The following GLIPR1L1 variants were observed in gnomAD, a reference collection of about 807,000 sequenced individuals.
GLIPR1L1 encodes GLIPR1 like 1.
GLIPR1L1 carries 26 observed loss-of-function variants against 29.9 expected under a neutral mutation model. The observed-to-expected ratio is 0.87, with a 90% CI of 0.64 to 1.21. The LOEUF is 1.21. Ranked by LOEUF, GLIPR1L1 falls within the 50% of genes most tolerant of loss-of-function variation. The probability of loss-of-function intolerance (pLI) is 0.00; values close to 1 mark genes in which losing one functional copy is unlikely to be tolerated. For missense variants in GLIPR1L1, 305 were observed against 290.3 expected (o/e 1.05, Z -0.37); for synonymous variants, 77 against 97.5 (o/e 0.79, Z 1.24).
chr12:75,362,684 C>T (rs972052956), intron 3 of GLIPR1L1, among the ~76,000 whole-genome samples: 7 of 152,014 alleles, frequency 4.6e-5, no homozygotes, highest in Non-Finnish European at 1.0e-4. Flanking sequence ...GCTGTCAAGT[C>T]GTACATCATC....
intron 4 of GLIPR1L1, among the ~76,000 whole-genome samples, chr12:75,363,402 C>T (rs1566004557): frequency 6.6e-6 from 1 of 152,104 alleles, no homozygotes; most frequent in Non-Finnish European, 1.5e-5. Flanking sequence ...AGCTAAAGAG[C>T]AGAAAGGAAT....
At chr12:75,359,584 T>A (rs765277024) in intron 3 of GLIPR1L1, among the ~76,000 whole-genome samples, 1 of 151,988 alleles carries the variant, frequency 6.6e-6, no homozygotes, top group Non-Finnish European at 1.5e-5. Flanking sequence ...TCAAAAGTTA[T>A]TAAAACTGTA....
chr12:75,350,346 AAATTCCTGC>A (rs1593735139), intron 3 of GLIPR1L1, among the ~76,000 whole-genome samples: 1 of 152,172 alleles, frequency 6.6e-6, no homozygotes, highest in Non-Finnish European at 1.5e-5. Flanking sequence ...TGGACAAGGG[AAATTCCTGC>A]TTATTTAAGT....
chr12:75,350,691 G>C (rs138309149), intron 3 of GLIPR1L1, among the ~76,000 whole-genome samples: 1 of 152,202 alleles, frequency 6.6e-6, no homozygotes, highest in East Asian at 1.9e-4. Flanking sequence ...CCCATCCAAA[G>C]GTCAGCAGAT....
intron 3 of GLIPR1L1, chr12:75,360,886 T>C (rs562428928): frequency 3.9e-5 from 6 of 152,264 alleles, no homozygotes; most frequent in East Asian, 1.9e-4. Context: ...GAAATCTAGG[T>C]GGAGGTTTCC....
intron 3 of GLIPR1L1, among the ~76,000 whole-genome samples, chr12:75,350,423 C>A (rs891801734): frequency 3.3e-5 from 5 of 152,170 alleles, no homozygotes; most frequent in African/African-American, 4.8e-5. Flanking sequence ...GGTCTCCAGG[C>A]ACTGCATACA....
intron 4 of GLIPR1L1, among the ~76,000 whole-genome samples, chr12:75,367,268 G>GAAAAA (rs35250320): frequency 1.1e-5 from 1 of 88,738 alleles, no homozygotes; most frequent in Non-Finnish European, 2.1e-5. Context: ...TTCCTAGGAG[G>GAAAAA]AAAAAAAAAA....
chr12:75,363,764 C>T (rs1302913839), intron 4 of GLIPR1L1, among the ~76,000 whole-genome samples: 1 of 152,108 alleles, frequency 6.6e-6, no homozygotes, highest in African/African-American at 2.4e-5. Context: ...TGACCAATGG[C>T]CTGTGAGACA....
chr12:75,360,478 G>C (rs1194149418), intron 3 of GLIPR1L1: 1 of 152,064 alleles, frequency 6.6e-6, no homozygotes, highest in African/African-American at 2.4e-5. Context: ...AAAACAAAGG[G>C]GCTATAGGCC....
chr12:75,351,739 GT>G (rs1394560022), intron 3 of GLIPR1L1, among the ~76,000 whole-genome samples: 1 of 152,174 alleles, frequency 6.6e-6, no homozygotes, highest in African/African-American at 2.4e-5. Context: ...TACAGACGGG[GT>G]TTTGCCATGT....
At chr12:75,353,579 G>A (rs1234998072) in intron 3 of GLIPR1L1, among the ~76,000 whole-genome samples, 1 of 152,172 alleles carries the variant, frequency 6.6e-6, no homozygotes, top group East Asian at 1.9e-4. Flanking sequence ...AAGAGGAGCT[G>A]ATACCCTTTC....
rs2043438478 is a variant in GLIPR1L1, at chr12:75,359,733, T to A, written c.522-3369T>A. 2.0e-5 allele frequency among the ~76,000 whole-genome samples: 3 copies of A among 152,090 alleles called. No individual in the cohort carries two copies. The South Asian group carries it at 6.2e-4, about 32-fold the overall frequency. ...TTTTTCAGAAATGCACAAAGGTATT[T>A]CAGTGGAAAAAAAATTAATAAATCA... On this transcript the variant is annotated intron_variant, in intron 3 of 5. Coordinates refer to ENST00000378695, the MANE Select transcript of GLIPR1L1 (RefSeq NM_001304964.2).
intron 4 of GLIPR1L1, among the ~76,000 whole-genome samples, chr12:75,366,012 A>C (rs1242782071): frequency 6.6e-6 from 1 of 152,186 alleles, no homozygotes; most frequent in Non-Finnish European, 1.5e-5. Flanking sequence ...CCACTTGATC[A>C]ATAAACAAAG....
rs190589651 is a variant in GLIPR1L1, at chr12:75,343,812, A to C, written c.294A>C (p.Glu98Asp). 1.9e-6 allele frequency: 3 copies of C among 1,613,576 alleles called. No individual in the cohort carries two copies. The Admixed American group carries it at 5.0e-5, about 27-fold the overall frequency. ...ATGCAGCTTTTGAATATGTTGGAGA[A>C]AATATCTGGTTAGGTGGAATAAAGT... ...KCYAAFEYVG[E>D]NIWLGGIKSF... is the part of the protein sequence containing the mutation. Residue 98 changes from glutamate (E) to aspartate (D), a missense_variant, in exon 2 of 6, where the codon GAA (glutamate) becomes GAC (aspartate). Physicochemically the swap from Glu to Asp is conservative, Grantham distance 45. Coordinates refer to ENST00000378695, the MANE Select transcript of GLIPR1L1 (RefSeq NM_001304964.2).
At chr12:75,362,298 G>A (rs1345121181) in intron 3 of GLIPR1L1, among the ~76,000 whole-genome samples, 1 of 151,928 alleles carries the variant, frequency 6.6e-6, no homozygotes, top group African/African-American at 2.4e-5. Context: ...ACAAATTAAG[G>A]TCACAATAAA....
At chr12:75,341,898 C>T (rs1331417333) in intron 1 of GLIPR1L1, among the ~76,000 whole-genome samples, 2 of 151,848 alleles carry the variant, frequency 1.3e-5, no homozygotes, top group Admixed American at 1.3e-4. Flanking sequence ...ACAAGCACCG[C>T]CCCCACACCT....
intron 1 of GLIPR1L1, among the ~76,000 whole-genome samples, chr12:75,336,927 G>GA (rs200338423): frequency 5.3e-5 from 8 of 150,934 alleles, no homozygotes; most frequent in Admixed American, 2.0e-4. Context: ...TATATCTTCT[G>GA]AAAAAAAAGT....
intron 3 of GLIPR1L1, among the ~76,000 whole-genome samples, chr12:75,356,021 C>T (rs768084509): frequency 5.9e-5 from 9 of 152,038 alleles, no homozygotes; most frequent in East Asian, 3.9e-4. Flanking sequence ...AAATAGCTAA[C>T]GCATGCTGGG....
chr12:75,344,071 A>G lies in GLIPR1L1; in HGVS notation c.420+133A>G. The G allele has an allele frequency of 6.1e-6, 4 of 651,192 alleles. No individual in the cohort carries two copies. The South Asian group carries it at 9.2e-5, about 15-fold the overall frequency. 40.3% of individuals were successfully genotyped at this position (651,192 alleles called of 1,614,324 possible). On this transcript the variant is annotated intron_variant, in intron 2 of 5. Transcript: ENST00000378695. ...ATTTTTTCCTTTATCATAGGTCTTG[A>G]GCAATTTAATAATAATATACCAAAG...
Sources: gnomAD v4.1 joint callset for allele counts (sites outside exome capture counted in the v4.1 genomes callset) on GRCh38, gnomAD v4.1.1 for gene constraint, MANE v1.5 for transcripts, NCBI Gene and HGNC (gene_info 2026-07-23, HGNC 2026-07-21) for gene names.